Variants in GALNT11 observed in about 807,000 individuals in gnomAD.
GALNT11 encodes the protein polypeptide N-acetylgalactosaminyltransferase 11.
Under a neutral mutation model 72.7 loss-of-function variants are expected in GALNT11, and 47 were observed. The ratio of observed to expected loss-of-function variants is 0.65; its 90% CI spans 0.51 to 0.82. The LOEUF is 0.82. GALNT11 is among the 40% of genes least tolerant of loss of function. The pLI is 0.00. For synonymous variants in GALNT11, 270 were observed against 286.6 expected (o/e 0.94, Z 0.58); for missense variants, 677 against 778.4 (o/e 0.87, Z 1.55).
intron 1 of GALNT11, among the ~76,000 whole-genome samples, chr7:152,045,888 T>C (rs777892845): frequency 5.9e-5 from 9 of 152,060 alleles, no homozygotes; most frequent in Non-Finnish European, 1.3e-4. Flanking sequence ...ATTAGGTGGT[T>C]TATTTGGAGT....
At chr7:152,114,184 T>C (rs1307797280) in intron 8 of GALNT11, among the ~76,000 whole-genome samples, 4 of 152,216 alleles carry the variant, frequency 2.6e-5, no homozygotes, top group Non-Finnish European at 5.9e-5. Flanking sequence ...TTATATATTT[T>C]CTTTGTAATG....
intron 1 of GALNT11, among the ~76,000 whole-genome samples, chr7:152,067,007 A>G (rs559631202): frequency 1.3e-5 from 2 of 152,302 alleles, no homozygotes; most frequent in African/African-American, 2.4e-5. Context: ...GGTTGCCACA[A>G]CCCTTCAATT....
intron 1 of GALNT11, among the ~76,000 whole-genome samples, chr7:152,061,439 A>C (rs1229843372): frequency 2.0e-5 from 3 of 152,204 alleles, no homozygotes; most frequent in African/African-American, 7.2e-5. Context: ...GTTCACTCTG[A>C]TGGTAGTTTC....
chr7:152,072,819 A>G (rs1251958601), intron 1 of GALNT11, among the ~76,000 whole-genome samples: 1 of 152,194 alleles, frequency 6.6e-6, no homozygotes, highest in Non-Finnish European at 1.5e-5. Flanking sequence ...GTAAAGGATA[A>G]ATATTCTAGT....
chr7:152,075,526 G>A (rs1354234412), intron 1 of GALNT11, among the ~76,000 whole-genome samples: 5 of 151,190 alleles, frequency 3.3e-5, no homozygotes, highest in Admixed American at 2.0e-4. Context: ...TCTTGACTGG[G>A]CCCCGTGGCT....
At chr7:152,084,575 A>G (rs2085526718) in intron 1 of GALNT11, among the ~76,000 whole-genome samples, 1 of 152,094 alleles carries the variant, frequency 6.6e-6, no homozygotes, top group Non-Finnish European at 1.5e-5. Flanking sequence ...CCGTCTAATG[A>G]AACTGTTTAA....
At chr7:152,097,559 A>G (rs868622706) in intron 2 of GALNT11, among the ~76,000 whole-genome samples, 1 of 152,260 alleles carries the variant, frequency 6.6e-6, no homozygotes, top group Non-Finnish European at 1.5e-5. Context: ...GTTCATTAGC[A>G]GCACTATTCT....
Position 152,025,811 on chromosome 7 carries a change from TG to T in GALNT11, c.-108del. 1 of 255,686 alleles carries T rather than the reference TG, an allele frequency of 3.9e-6. No individual in the cohort carries two copies. 15.8% of individuals were successfully genotyped at this position (255,686 alleles called of 1,614,324 possible). ...CCCGCGCCGCTCCTGCGGGTCGGACTGGGGCTGTGGCGGGAGAGAAGATGCC... is the reference window on the plus strand; with the variant it reads ...CCCGCGCCGCTCCTGCGGGTCGGACTGGGCTGTGGCGGGAGAGAAGATGCC... On this transcript the variant is annotated 5_prime_UTR_variant, in exon 1 of 12. Coordinates refer to ENST00000430044, the MANE Select transcript of GALNT11 (RefSeq NM_022087.4).
chr7:152,061,246 G>T (rs1210468592), intron 1 of GALNT11, among the ~76,000 whole-genome samples: 1 of 152,112 alleles, frequency 6.6e-6, no homozygotes, highest in Non-Finnish European at 1.5e-5. Flanking sequence ...ATTTTTTCAT[G>T]TGTCTATTGT....
intron 3 of GALNT11, among the ~76,000 whole-genome samples, chr7:152,102,340 G>A (rs1477276020): frequency 2.6e-5 from 4 of 151,844 alleles, no homozygotes; most frequent in East Asian, 3.9e-4. Context: ...TCAGGAGATC[G>A]AGACCATCCT....
intron 1 of GALNT11, among the ~76,000 whole-genome samples, chr7:152,052,475 A>T (rs894594095): frequency 6.6e-6 from 1 of 152,202 alleles, no homozygotes; most frequent in Non-Finnish European, 1.5e-5. Flanking sequence ...CATGTTTAAC[A>T]TATTGAGGAA....
intron 1 of GALNT11, among the ~76,000 whole-genome samples, chr7:152,031,932 G>C (rs2082321117): frequency 6.6e-6 from 1 of 152,174 alleles, no homozygotes; most frequent in Non-Finnish European, 1.5e-5. Context: ...CCCCACAACT[G>C]TTTTAAAGTC....
Position 152,030,440 on chromosome 7 carries a change from A to G in GALNT11, c.-39+4556A>G, listed in dbSNP as rs377473804. Among the ~76,000 whole-genome samples, 6 of 152,298 alleles carry G rather than the reference A, an allele frequency of 3.9e-5. No individual in the cohort carries two copies. In the East Asian group the frequency reaches 1.2e-3, roughly 29 times the overall value. Reference sequence around the variant, plus strand: ...GTGAAGATTATTATAATATTGGAATAAAGAGTAATTGCTACAAACTAATGA... The same window carrying G: ...GTGAAGATTATTATAATATTGGAATGAAGAGTAATTGCTACAAACTAATGA... On this transcript the variant is annotated intron_variant, in intron 1 of 11. Coordinates refer to ENST00000430044, the MANE Select transcript of GALNT11 (RefSeq NM_022087.4).
intron 2 of GALNT11, among the ~76,000 whole-genome samples, chr7:152,096,049 A>G (rs1026612387): frequency 5.3e-5 from 8 of 152,250 alleles, no homozygotes; most frequent in African/African-American, 1.9e-4. Context: ...AAAACACTTA[A>G]GAATAAATTT....
intron 5 of GALNT11, among the ~76,000 whole-genome samples, chr7:152,106,177 G>C (rs1443673174): frequency 6.6e-6 from 1 of 152,214 alleles, no homozygotes; most frequent in Non-Finnish European, 1.5e-5. Context: ...ATTGCAGGTA[G>C]GGCATGGACA....
intron 1 of GALNT11, among the ~76,000 whole-genome samples, chr7:152,058,727 A>G (rs1020277845): frequency 2.0e-5 from 3 of 152,196 alleles, no homozygotes; most frequent in African/African-American, 4.8e-5. Context: ...ATAGCAATTT[A>G]CCCACAGTAG....
chr7:152,036,123 C>A (rs1328828149), intron 1 of GALNT11, among the ~76,000 whole-genome samples: 1 of 152,128 alleles, frequency 6.6e-6, no homozygotes, highest in Admixed American at 6.5e-5. Context: ...TTTAAAGTTA[C>A]TTTAAAATGT....
intron 1 of GALNT11, among the ~76,000 whole-genome samples, chr7:152,030,569 C>T (rs753992947): frequency 1.2e-4 from 19 of 152,310 alleles, no homozygotes; most frequent in South Asian, 8.3e-4. Flanking sequence ...TCTCTTGCCT[C>T]GGCACCTGGG....
rs3778921 is a variant in GALNT11 at position 152,121,937 on chromosome 7, G to T, written c.*260G>T. 36,629 of 356,780 alleles carry T rather than the reference G, an allele frequency of 0.1. 6,151 individuals are homozygous for T. Among genetic ancestry groups the T allele is most frequent in the African/African-American group, 0.47 (22,554 of 48,076 alleles). 22.1% of individuals were successfully genotyped at this position (356,780 alleles called of 1,614,324 possible). ...TGTTTCACCTGGACATTAAGGTGAT[G>T]TTTGAGCTGCTGTTAAGGAATTTCT... On this transcript the variant is annotated 3_prime_UTR_variant, in exon 12 of 12. Coordinates refer to ENST00000430044, the MANE Select transcript of GALNT11 (RefSeq NM_022087.4).
Sources: gnomAD v4.1 joint callset for allele counts (sites outside exome capture counted in the v4.1 genomes callset) on GRCh38, gnomAD v4.1.1 for gene constraint, MANE v1.5 for transcripts, NCBI Gene and HGNC (gene_info 2026-07-23, HGNC 2026-07-21) for gene names.